CTNNA3: variants seen among roughly 807,000 people sequenced by gnomAD.
CTNNA3 encodes the protein catenin alpha-3.
Under a neutral mutation model 95.7 loss-of-function variants are expected in CTNNA3, and 76 were observed. The observed-to-expected ratio is 0.79, with a 90% CI of 0.66 to 0.96. The LOEUF (loss-of-function observed/expected upper bound fraction) is 0.96. Ranked by LOEUF, CTNNA3 falls within the 40% of genes least tolerant of loss-of-function variation. The pLI, the probability that CTNNA3 is intolerant of heterozygous loss-of-function variation, is 0.00. For missense variants in CTNNA3, 1,191 were observed against 1,089.8 expected, an observed-to-expected ratio of 1.09 and a Z score of -1.31; for synonymous variants, 431 against 374.4, an observed-to-expected ratio of 1.15 and a Z score of -1.74.
intron 7 of CTNNA3, among the ~76,000 whole-genome samples, chr10:66,930,403 T>C (rs759994856): frequency 4.6e-5 from 7 of 152,210 alleles, no homozygotes; most frequent in Non-Finnish European, 8.8e-5. Context: ...TTTACTGAAG[T>C]TGTAACTTTA....
rs897840735 is a variant in CTNNA3, at chr10:65,917,881, T to C, written c.*2449A>G. 6.6e-6 allele frequency: 1 copy of C among 152,192 alleles called. No individual in the cohort carries two copies. The highest frequency in any genetic ancestry group is 1.5e-5 in the Non-Finnish European group (1 of 68,020). The allele number at this position is 152,192 out of a possible 1,614,324, so 9.4% of individuals were successfully genotyped here. On this transcript the variant is annotated 3_prime_UTR_variant, in exon 18 of 18. Transcript: ENST00000433211. ...ATAAGCATTTGTTTTATCAGCAGGT[T>C]TGAATCAAACTAAATCTTGAAATGC... is the stretch of plus-strand genomic sequence containing the variant.
At chr10:65,965,918 C>T (rs931134449) in intron 17 of CTNNA3, among the ~76,000 whole-genome samples, 12 of 151,784 alleles carry the variant, frequency 7.9e-5, no homozygotes, top group African/African-American at 2.7e-4. Context: ...AATCTTAGTC[C>T]ATGTCCTTCT....
chr10:67,566,058 T>TATATATATATATATATATATATATAC lies in CTNNA3; in HGVS notation c.293-26390_293-26389insGTATATATATATATATATATATATAT, dbSNP rs1418561699. On this transcript the variant is annotated intron_variant, in intron 3 of 17. Coordinates refer to ENST00000433211, the MANE Select transcript of CTNNA3 (RefSeq NM_013266.4). Reference sequence around the variant, plus strand: ...ATGTGTGTGTGTATATATATATATATATATATATATATATACAAAACCTAG... The same window carrying TATATATATATATATATATATATATAC: ...ATGTGTGTGTGTATATATATATATATATATATATATATATATATATATATACATATATATATATATACAAAACCTAG... Among the ~76,000 whole-genome samples, 15 of 85,566 alleles carry TATATATATATATATATATATATATAC rather than the reference T, an allele frequency of 1.8e-4. No homozygotes were observed. The South Asian group carries it at 2.9e-3, about 16-fold the overall frequency. 56.1% of individuals were successfully genotyped at this position (85,566 alleles called of 152,430 possible).
intron 9 of CTNNA3, among the ~76,000 whole-genome samples, chr10:66,689,761 G>A (rs1847447457): frequency 6.6e-6 from 1 of 152,116 alleles, no homozygotes; most frequent in Non-Finnish European, 1.5e-5. Flanking sequence ...AGTAACTGCT[G>A]ATATTGAAAA....
chr10:66,540,276 C>A (rs1045892464), intron 10 of CTNNA3, among the ~76,000 whole-genome samples: 2 of 152,090 alleles, frequency 1.3e-5, no homozygotes, highest in Admixed American at 6.6e-5. Flanking sequence ...GACTAGATAG[C>A]TGGAACAGTC....
intron 10 of CTNNA3, among the ~76,000 whole-genome samples, chr10:66,543,606 A>G (rs1017192678): frequency 6.6e-6 from 1 of 152,024 alleles, no homozygotes; most frequent in Non-Finnish European, 1.5e-5. Flanking sequence ...AGAAATTACA[A>G]GAAATTTCTA....
intron 13 of CTNNA3, among the ~76,000 whole-genome samples, chr10:66,164,387 G>A (rs911013191): frequency 1.3e-5 from 2 of 151,980 alleles, no homozygotes; most frequent in Non-Finnish European, 2.9e-5. Context: ...TCTCTGTATT[G>A]CACTATTGGG....
intron 9 of CTNNA3, among the ~76,000 whole-genome samples, chr10:66,667,426 G>A (rs12356554): frequency 0.033 from 4,948 of 152,110 alleles, 117 homozygotes; most frequent in Non-Finnish European, 0.046. Context: ...ATATTGTCCC[G>A]CACACAACTT....
chr10:67,726,058 TA>T (rs1364737155), intron 1 of CTNNA3, among the ~76,000 whole-genome samples: 11 of 128,040 alleles, frequency 8.6e-5, no homozygotes, highest in South Asian at 2.2e-4. Context: ...ATTATTAATA[TA>T]AAAAATAAAT....
rs116422407 is a variant in CTNNA3 at position 67,538,551 on chromosome 10, A to T, written c.459+952T>A. Among the ~76,000 whole-genome samples the T allele has an allele frequency of 3.8e-3, 577 of 151,262 alleles. 4 individuals carry two copies. Among genetic ancestry groups the T allele is most frequent in the African/African-American group, 0.013 (529 of 41,314 alleles). On this transcript the variant is annotated intron_variant, in intron 4 of 17. Coordinates refer to ENST00000433211, the MANE Select transcript of CTNNA3 (RefSeq NM_013266.4). ...GAGCCGAGATCACCACTGCACTCCA[A>T]CCCAGGCGACAGTGCGAGACTCCAT...
chr10:65,926,281 A>G (rs994497381), intron 17 of CTNNA3, among the ~76,000 whole-genome samples: 2 of 151,824 alleles, frequency 1.3e-5, no homozygotes, highest in African/African-American at 4.8e-5. Flanking sequence ...ATAAATATAA[A>G]ATAAATAGGA....
chr10:66,611,797 T>G (rs1349347735), intron 10 of CTNNA3, among the ~76,000 whole-genome samples: 1 of 152,138 alleles, frequency 6.6e-6, no homozygotes, highest in Non-Finnish European at 1.5e-5. Context: ...TTGTTCTTTT[T>G]CAGGTTCCTC....
At chr10:67,041,799 A>C (rs1274310945) in intron 7 of CTNNA3, among the ~76,000 whole-genome samples, 2 of 152,158 alleles carry the variant, frequency 1.3e-5, no homozygotes, top group Non-Finnish European at 2.9e-5. Flanking sequence ...GAATTCAGTA[A>C]GGAAAGAATG....
chr10:66,224,397 C>A (rs376832299), intron 13 of CTNNA3, among the ~76,000 whole-genome samples: 50 of 152,276 alleles, frequency 3.3e-4, no homozygotes, highest in African/African-American at 1.0e-3. Context: ...CCAGGTAGTG[C>A]CAATTTATAG....
chr10:67,691,104 G>A (rs1238342839), intron 1 of CTNNA3, among the ~76,000 whole-genome samples: 1 of 152,192 alleles, frequency 6.6e-6, no homozygotes, highest in Non-Finnish European at 1.5e-5. Context: ...GTGTCGGCCG[G>A]GCTGGTCTCC....
At chr10:67,347,034 C>CTACTTAT (rs1842446704) in intron 5 of CTNNA3, among the ~76,000 whole-genome samples, 1 of 151,346 alleles carries the variant, frequency 6.6e-6, no homozygotes, top group East Asian at 1.9e-4. Context: ...TTATCTAATT[C>CTACTTAT]TTGATCTACT....
intron 7 of CTNNA3, among the ~76,000 whole-genome samples, chr10:66,964,764 G>A (rs1477872039): frequency 6.6e-6 from 1 of 152,120 alleles, no homozygotes; most frequent in Non-Finnish European, 1.5e-5. Context: ...CATGGAAGTA[G>A]GAGGGAAAAG....
In CTNNA3 at chr10:67,485,691, G is replaced by A. The variant is rs1848419759; in HGVS notation, c.579+36151C>T. The stretch of plus-strand genomic sequence containing the variant: ...TTTTTGTTTTCTACTAGTAACAAGT[G>A]TTAATCTCCCCTTTGAACAGGAGTA... On this transcript the variant is annotated intron_variant, in intron 5 of 17. Coordinates refer to ENST00000433211, the MANE Select transcript of CTNNA3 (RefSeq NM_013266.4). Among the ~76,000 whole-genome samples the A allele has an allele frequency of 2.6e-5, 4 of 152,118 alleles. No individual in the cohort carries two copies. In the South Asian group the frequency reaches 8.3e-4, roughly 31 times the overall value.
At chr10:66,166,741 T>C (rs1378344805) in intron 13 of CTNNA3, among the ~76,000 whole-genome samples, 2 of 148,350 alleles carry the variant, frequency 1.3e-5, no homozygotes, top group African/African-American at 4.9e-5. Context: ...TAATTAACTA[T>C]TATAACAGCA....
Sources: gnomAD v4.1 joint callset for allele counts (sites outside exome capture counted in the v4.1 genomes callset) on GRCh38, gnomAD v4.1.1 for gene constraint, MANE v1.5 for transcripts, NCBI Gene and HGNC (gene_info 2026-07-23, HGNC 2026-07-21) for gene names.